EPPK1: variants seen among roughly 807,000 people sequenced by gnomAD.
EPPK1 encodes epiplakin.
For synonymous variants in EPPK1, 1,862 were observed against 1,721.2 expected (o/e 1.08, Z -2.03); for missense variants, 3,823 against 3,673.3 (o/e 1.04, Z -1.05).
At chr8:143,874,012 C>T (rs1013647778) in intron 1 of EPPK1, among the ~76,000 whole-genome samples, 6 of 152,348 alleles carry the variant, frequency 3.9e-5, no homozygotes, top group South Asian at 4.1e-4. Context: ...GCGAGCACCA[C>T]GGCCTCTGGG....
In EPPK1 at chr8:143,873,149, G is replaced by A. The variant is rs782228092; in HGVS notation, c.105C>T (p.Pro35=). The A allele has an allele frequency of 2.5e-6, 4 of 1,589,388 alleles. No individual in the cohort carries two copies. The highest frequency in any genetic ancestry group is 3.4e-6 in the Non-Finnish European group (4 of 1,170,532). ...CTATGCTCCTGGCCTGGGGCCTGGG[G>A]GGCGTGCCGGCTCCCAGCGTGGCTG... is the stretch of plus-strand genomic sequence containing the variant. ...AMAATLGAGT[P]PRPQARSIAG... Residue 35 remains proline, a synonymous_variant, in exon 2 of 2, where the codon CCC becomes CCT. Coordinates refer to ENST00000615648, the MANE Select transcript of EPPK1 (RefSeq NM_031308.4).
At position 143,867,571 on chromosome 8, in the gene EPPK1, C is replaced by T; in HGVS notation, c.5683G>A (p.Gly1895Ser). Residue 1895 changes from glycine (G) to serine (S), a missense_variant, in exon 2 of 2, where the codon GGC becomes AGC. Physicochemically the swap from Gly to Ser is moderately conservative, Grantham distance 56 (BLOSUM62 0). Coordinates refer to ENST00000615648, the MANE Select transcript of EPPK1 (RefSeq NM_031308.4). The part of the protein sequence containing the change: ...TLECVKPYLE[G>S]SGCIAGVTVP... Reference sequence around the variant, plus strand: ...GTGACCCCCGCAATGCAGCCGCTGCCTTCCAGATAGGGCTTCACACACTCC... The same window carrying T: ...GTGACCCCCGCAATGCAGCCGCTGCTTTCCAGATAGGGCTTCACACACTCC... 1.2e-6 allele frequency: 2 copies of T among 1,612,966 alleles called. No homozygotes were observed. Among genetic ancestry groups the T allele is most frequent in the Admixed American group, 1.7e-5 (1 of 60,020 alleles).
At position 143,867,951 on chromosome 8, in the gene EPPK1, T is replaced by C; in HGVS notation, c.5303A>G (p.Tyr1768Cys). The C allele has an allele frequency of 6.2e-7, 1 of 1,613,676 alleles. No individual in the cohort carries two copies. The highest frequency in any genetic ancestry group is 1.7e-5 in the Admixed American group (1 of 60,020). ...CACGTGTCTCGTGGCCTCATTGATG[T>C]ACACGTAGTTTTCTCCTTTCTTTAT... ...QIIKKGENYV[Y>C]INEATRHVLQ... Residue 1768 changes from tyrosine to cysteine, a missense_variant, in exon 2 of 2, where the codon TAC becomes TGC. Coordinates refer to ENST00000615648, the MANE Select transcript of EPPK1 (RefSeq NM_031308.4).
Position 143,872,761 on chromosome 8 carries a change from G to A in EPPK1, c.493C>T (p.Gln165Ter), listed in dbSNP as rs1275933353. 28 of 1,586,788 alleles carry A rather than the reference G, an allele frequency of 1.8e-5. No homozygotes were observed. The highest frequency in any genetic ancestry group is 2.0e-5 in the Non-Finnish European group (23 of 1,163,076). The change falls in exon 2 of 2, where the codon CAG becomes TAG. Residue 165 changes from glutamine to a stop codon, truncating the protein, a stop_gained. Coordinates refer to ENST00000615648, the MANE Select transcript of EPPK1 (RefSeq NM_031308.4). LOFTEE classifies it low-confidence loss of function (END_TRUNC). Reference sequence around the variant, plus strand: ...GGCTCAGGGGCCACGAGCACTCCCTGGGCGGGGTCCACCAGGCCCCCAGTG... The same window carrying A: ...GGCTCAGGGGCCACGAGCACTCCCTAGGCGGGGTCCACCAGGCCCCCAGTG... ...LATGGLVDPA[Q>*]GVLVAPEPAC...
Position 143,863,140 on chromosome 8 carries a change from GC to G in EPPK1, c.10113del (p.Glu3371AspfsTer69). On this transcript the variant is annotated frameshift_variant, in exon 2 of 2. Coordinates refer to ENST00000615648, the MANE Select transcript of EPPK1 (RefSeq NM_031308.4). LOFTEE classifies it low-confidence loss of function (END_TRUNC). ...GEIQEKLLSA[E>X]RAVTGYTDPY... is the part of the protein sequence containing the mutation. ...GGGTCGGTGTAGCCGGTGACGGCGC[GC>G]TCGGCCGACAGCAGCTTCTCCTGGA... is the stretch of plus-strand genomic sequence containing the variant. 1 of 89,438 alleles carries G rather than the reference GC, an allele frequency of 1.1e-5. No individual in the cohort carries two copies. Among genetic ancestry groups the G allele is most frequent in the Non-Finnish European group, 2.1e-5 (1 of 48,630 alleles). 5.5% of individuals were successfully genotyped at this position (89,438 alleles called of 1,614,324 possible). A position where few individuals can be genotyped will look rare whatever the true frequency, so the allele number is the denominator to read the frequency against.
At position 143,867,347 on chromosome 8, in the gene EPPK1, C is replaced by T. The variant is rs1165798076; in HGVS notation, c.5907G>A (p.Leu1969=). The stretch of plus-strand genomic sequence containing the variant: ...AGCCCGTGGCAGCTCTTTCAGCCTT[C>T]AGGAGCCTCTCCCGCAGCTCCTCGT... ...LVNEELRERL[L]KAERAATGYR... is the part of the protein sequence containing the mutation. The change falls in exon 2 of 2, where the codon CTG becomes CTA. Residue 1969 remains leucine (L), a synonymous_variant. Coordinates refer to ENST00000615648, the MANE Select transcript of EPPK1 (RefSeq NM_031308.4). The T allele has an allele frequency of 1.9e-6, 3 of 1,612,688 alleles. No individual in the cohort carries two copies. Among genetic ancestry groups the T allele is most frequent in the African/African-American group, 1.3e-5 (1 of 74,920 alleles).
Position 143,868,421 on chromosome 8 carries a change from G to T in EPPK1, c.4833C>A (p.Thr1611=), listed in dbSNP as rs149570635. 6 of 1,612,538 alleles carry T rather than the reference G, an allele frequency of 3.7e-6. No homozygotes were observed. The highest frequency in any genetic ancestry group is 3.3e-5 in the Admixed American group (2 of 60,020). ...TCTCCACGGGGTCGATGATGAAGCCGGTAGCTGCCTGTGCCTCCAGCAGCA... is the reference window on the plus strand; with the variant it reads ...TCTCCACGGGGTCGATGATGAAGCCTGTAGCTGCCTGTGCCTCCAGCAGCA... The part of the protein sequence containing the change: ...ALVLLEAQAA[T]GFIIDPVENR... Residue 1611 remains threonine, a synonymous_variant, in exon 2 of 2, where the codon ACC becomes ACA. Coordinates refer to ENST00000615648, the MANE Select transcript of EPPK1 (RefSeq NM_031308.4).
Position 143,867,425 on chromosome 8 carries a change from G to C in EPPK1, c.5829C>G (p.Pro1943=), listed in dbSNP as rs2130624106. Residue 1943 remains proline (P), a synonymous_variant, in exon 2 of 2, where the codon CCC becomes CCG. Transcript: ENST00000615648. ...AQAATGFLLD[P]CTRQKLSVDE... ...CCACAGAGAGCTTCTGGCGGGTGCA[G>C]GGGTCCAGGAGGAACCCGGTGGCGG... 6.2e-7 allele frequency: 1 copy of C among 1,612,782 alleles called. No individual in the cohort carries two copies. The highest frequency in any genetic ancestry group is 2.2e-5 in the East Asian group (1 of 44,882).
chr8:143,871,867 G>GC lies in EPPK1; in HGVS notation c.1386dup (p.Leu463AlafsTer55). 1 of 1,610,894 alleles carries GC rather than the reference G, an allele frequency of 6.2e-7. No homozygotes were observed. Among genetic ancestry groups the GC allele is most frequent in the Non-Finnish European group, 8.5e-7 (1 of 1,179,760 alleles). On this transcript the variant is annotated frameshift_variant, in exon 2 of 2. Coordinates refer to ENST00000615648, the MANE Select transcript of EPPK1 (RefSeq NM_031308.4). LOFTEE classifies it low-confidence loss of function (END_TRUNC). ...CCCCCTGAGAGTGGCAGGAAGGCAA[G>GC]CCCGGTCTCTGGGTCGGTGACACAG...
At position 143,866,204 on chromosome 8, in the gene EPPK1, G is replaced by A; in HGVS notation, c.7050C>T (p.Asp2350=). Residue 2350 remains aspartate, a synonymous_variant, in exon 2 of 2, where the codon GAC becomes GAT. Transcript: ENST00000615648. ...EAQIATGGVI[D]PVHSHRVPVD... Reference sequence around the variant, plus strand: ...CGGGCACGCGGTGGCTGTGCACGGGGTCGATGACGCCGCCCGTGGCGATCT... The same window carrying A: ...CGGGCACGCGGTGGCTGTGCACGGGATCGATGACGCCGCCCGTGGCGATCT... 1 of 442,302 alleles carries A rather than the reference G, an allele frequency of 2.3e-6. No individual in the cohort carries two copies. 27.4% of individuals were successfully genotyped at this position (442,302 alleles called of 1,614,324 possible).
chr8:143,878,387 C>T (rs1819525928), intron 1 of EPPK1, 51 bp downstream of exon 1: 3 of 85,116 alleles, frequency 3.5e-5, no homozygotes, highest in Non-Finnish European at 7.5e-5. Flanking sequence ...CCGCACCCGC[C>T]GCACCTGCCC....
Position 143,870,842 on chromosome 8 carries a change from C to T in EPPK1, c.2412G>A (p.Pro804=), listed in dbSNP as rs781950648. ...CCTGCTGGGTGGCACTGTCCACCAG[C>T]GGGGACTGCGTGCTGCTGAGTGGCA... is the stretch of plus-strand genomic sequence containing the variant. ...YLLPLSSTQS[P]LVDSATQQAF... Residue 804 remains proline (P), a synonymous_variant, in exon 2 of 2, where the codon CCG becomes CCA. Transcript: ENST00000615648. The surrounding 1 kb of genome is among the most constrained non-coding windows in gnomAD (Gnocchi z 5.2). 5.8e-5 allele frequency: 93 copies of T among 1,612,700 alleles called. No homozygotes were observed. The Middle Eastern group carries it at 8.2e-4, about 14-fold the overall frequency.
chr8:143,873,290 A>G lies in EPPK1; in HGVS notation c.-37T>C. 6.7e-7 allele frequency: 1 copy of G among 1,485,564 alleles called. No individual in the cohort carries two copies. Among genetic ancestry groups the G allele is most frequent in the Admixed American group, 2.5e-5 (1 of 40,230 alleles). 92.0% of individuals were successfully genotyped at this position (1,485,564 alleles called of 1,614,324 possible). On this transcript the variant is annotated 5_prime_UTR_variant, in exon 2 of 2. Coordinates refer to ENST00000615648, the MANE Select transcript of EPPK1 (RefSeq NM_031308.4). Reference sequence around the variant, plus strand: ...GGTTATGCAGAGCCTGCTGAGGTCCACCTCTGTCCTGCAGGGGACAGAAAG... The same window carrying G: ...GGTTATGCAGAGCCTGCTGAGGTCCGCCTCTGTCCTGCAGGGGACAGAAAG...
intron 1 of EPPK1, among the ~76,000 whole-genome samples, chr8:143,876,130 G>C: frequency 6.6e-6 from 1 of 152,254 alleles, no homozygotes; most frequent in East Asian, 1.9e-4. Context: ...CAAGCAGCCA[G>C]GAGGAGGCTC....
chr8:143,868,075 C>T lies in EPPK1; in HGVS notation c.5179G>A (p.Gly1727Ser), dbSNP rs1554659742. The T allele has an allele frequency of 1.2e-6, 2 of 1,613,560 alleles. No individual in the cohort carries two copies. Among genetic ancestry groups the T allele is most frequent in the East Asian group, 4.5e-5 (2 of 44,886 alleles). Residue 1727 changes from glycine to serine, a missense_variant, in exon 2 of 2, where the codon GGC becomes AGC. Physicochemically the swap from Gly to Ser is moderately conservative, Grantham distance 56 (BLOSUM62 0). Coordinates refer to ENST00000615648, the MANE Select transcript of EPPK1 (RefSeq NM_031308.4). ...TCGTGCGTGTTGGGGTCGAAGAAGC[C>T]CTTGGTGTCGTCGCTGGGGTCCGCC... ...ILADPSDDTK[G>S]FFDPNTHENL...
intron 1 of EPPK1, among the ~76,000 whole-genome samples, chr8:143,875,049 C>T (rs1554662181): frequency 6.6e-6 from 1 of 152,184 alleles, no homozygotes; most frequent in Non-Finnish European, 1.5e-5. Flanking sequence ...AGACCTCCTC[C>T]CACCTACCCT....
chr8:143,871,987 A>C lies in EPPK1; in HGVS notation c.1267T>G (p.Cys423Gly), dbSNP rs1554661384. 1 of 1,591,096 alleles carries C rather than the reference A, an allele frequency of 6.3e-7. No homozygotes were observed. Among genetic ancestry groups the C allele is most frequent in the Non-Finnish European group, 8.5e-7 (1 of 1,173,000 alleles). Residue 423 changes from cysteine to glycine, a missense_variant, in exon 2 of 2, where the codon TGC (cysteine) becomes GGC (glycine). Cys to Gly is a radical substitution (Grantham distance 159). Coordinates refer to ENST00000615648, the MANE Select transcript of EPPK1 (RefSeq NM_031308.4). ...LPLEAALRCG[C>G]LDEDTQRQLS... Reference sequence around the variant, plus strand: ...TGCCGCTGAGTGTCTTCATCCAGGCAGCCGCAGCGCAGGGCGGCCTCCAGG... The same window carrying C: ...TGCCGCTGAGTGTCTTCATCCAGGCCGCCGCAGCGCAGGGCGGCCTCCAGG...
chr8:143,878,276 C>G (rs1819520156), intron 1 of EPPK1, among the ~76,000 whole-genome samples, 162 bp downstream of exon 1: 1 of 151,186 alleles, frequency 6.6e-6, no homozygotes. Context: ...CGCCGCGCCC[C>G]TACCCTGGCC....
Position 143,871,006 on chromosome 8 carries a change from C to A in EPPK1, c.2248G>T (p.Asp750Tyr), listed in dbSNP as rs782440328. Residue 750 changes from aspartate (D) to tyrosine (Y), a missense_variant, in exon 2 of 2, where the codon GAT becomes TAT. Coordinates refer to ENST00000615648, the MANE Select transcript of EPPK1 (RefSeq NM_031308.4). ...AACAGGATCAAGTTCAGCATCTGAT[C>A]GAAGTAGCCGCGCCGGTAGGCCACG... ...VDVAYRRGYF[D>Y]QMLNLILLDP... 6 of 1,613,146 alleles carry A rather than the reference C, an allele frequency of 3.7e-6. No individual in the cohort carries two copies. The highest frequency in any genetic ancestry group is 5.1e-6 in the Non-Finnish European group (6 of 1,180,014).
Sources: allele counts gnomAD v4.1 joint callset (sites outside exome capture counted in the v4.1 genomes callset), GRCh38; gene constraint gnomAD v4.1.1; non-coding constraint Gnocchi (gnomAD v3.1); transcripts MANE v1.5; gene names NCBI Gene and HGNC (gene_info 2026-07-23, HGNC 2026-07-21).